The following EML5 variants were observed in gnomAD, a reference collection of about 807,000 sequenced individuals.
EML5 encodes echinoderm microtubule-associated protein-like 5.
In EML5, 120 loss-of-function variants were observed where a neutral mutation model predicts 250.0. That is an observed-to-expected ratio of 0.48 (90% CI 0.41 to 0.56). The LOEUF is 0.56. Ranked by LOEUF, EML5 falls within the 20% of genes least tolerant of loss-of-function variation. The pLI is 0.00. For missense variants in EML5, 2,006 were observed against 2,437.6 expected, an observed-to-expected ratio of 0.82 and a Z score of 3.73; for synonymous variants, 771 against 806.5, an observed-to-expected ratio of 0.96 and a Z score of 0.75.
Position 88,792,653 on chromosome 14 carries a change from G to A in EML5, c.-150C>T. 3.5e-6 allele frequency: 4 copies of A among 1,152,128 alleles called. No homozygotes were observed. Among genetic ancestry groups the A allele is most frequent in the South Asian group, 4.3e-5 (1 of 22,992 alleles). 71.4% of individuals were successfully genotyped at this position (1,152,128 alleles called of 1,614,324 possible). ...CGCCCGTCAGGTGCATCTCGTTTCG[G>A]GGGCCGCCGCCGCCTCAGCCCACAG... is the stretch of plus-strand genomic sequence containing the variant. On this transcript the variant is annotated 5_prime_UTR_variant, in exon 1 of 44. Transcript: ENST00000554922. This position sits in a 1 kb window ranked among gnomAD's most constrained non-coding sequence, Gnocchi z 6.9.
intron 20 of EML5, among the ~76,000 whole-genome samples, chr14:88,684,446 AG>A (rs2092784343): frequency 6.9e-6 from 1 of 145,556 alleles, no homozygotes; most frequent in Non-Finnish European, 1.5e-5. Context: ...CTGGGATTAC[AG>A]GCGTGAGCCA....
chr14:88,662,946 G>T, intron 24 of EML5, 85 bp downstream of exon 24: 1 of 948,372 alleles, frequency 1.1e-6, no homozygotes, highest in Non-Finnish European at 1.6e-6. Flanking sequence ...GACTTCACGT[G>T]TAACTAAACG....
At chr14:88,672,189 A>C (rs949875063) in intron 21 of EML5, among the ~76,000 whole-genome samples, 5 of 151,926 alleles carry the variant, frequency 3.3e-5, no homozygotes, top group Non-Finnish European at 5.9e-5. Flanking sequence ...AACTGAAATC[A>C]TAACAGTCTC....
intron 29 of EML5, among the ~76,000 whole-genome samples, chr14:88,645,692 G>C (rs1030654591): frequency 1.8e-4 from 27 of 152,116 alleles, no homozygotes; most frequent in African/African-American, 6.5e-4. Context: ...GTTACTCAAG[G>C]AAGACATTTT....
intron 1 of EML5, among the ~76,000 whole-genome samples, chr14:88,789,217 T>A (rs1019758128): frequency 1.6e-4 from 25 of 152,230 alleles, no homozygotes; most frequent in Admixed American, 5.9e-4. Context: ...TTTTTATAGA[T>A]ACAGATTTTA....
chr14:88,773,892 G>A (rs1218802353), intron 1 of EML5, among the ~76,000 whole-genome samples: 1 of 152,142 alleles, frequency 6.6e-6, no homozygotes, highest in Non-Finnish European at 1.5e-5. Context: ...GCCAAGGCAG[G>A]CAGATCACCA....
chr14:88,791,115 A>G (rs2094602139), intron 1 of EML5, among the ~76,000 whole-genome samples: 1 of 152,068 alleles, frequency 6.6e-6, no homozygotes, highest in Admixed American at 6.6e-5. Context: ...ATCTTGCCCT[A>G]CCTCTGTTTG....
chr14:88,687,859 T>C (rs2092870766), intron 18 of EML5, among the ~76,000 whole-genome samples: 1 of 152,114 alleles, frequency 6.6e-6, no homozygotes, highest in African/African-American at 2.4e-5. Flanking sequence ...GAGAATAGCT[T>C]AAGCCCAGGA....
chr14:88,659,028 A>G (rs1454284973), intron 25 of EML5, among the ~76,000 whole-genome samples: 1 of 152,168 alleles, frequency 6.6e-6, no homozygotes, highest in Non-Finnish European at 1.5e-5. Flanking sequence ...TTTGTAAGCA[A>G]TACACATAGA....
intron 25 of EML5, among the ~76,000 whole-genome samples, chr14:88,660,274 C>T (rs918291171): frequency 2.9e-5 from 4 of 137,884 alleles, no homozygotes; most frequent in African/African-American, 5.8e-5. Context: ...CAGAGAGAGA[C>T]GCTGTCTTAA....
At chr14:88,778,124 A>G (rs935081894) in intron 1 of EML5, among the ~76,000 whole-genome samples, 13 of 152,368 alleles carry the variant, frequency 8.5e-5, no homozygotes, top group Admixed American at 3.9e-4. Flanking sequence ...CCTCAAACCA[A>G]AAGACATAAA....
chr14:88,712,510 A>T (rs2093423785), intron 9 of EML5, 27 bp from the exon 10 acceptor site: 1 of 1,566,474 alleles, frequency 6.4e-7, no homozygotes, highest in Non-Finnish European at 8.7e-7. Context: ...GTCTTAATTT[A>T]AAAAGTTATT....
At chr14:88,671,607 C>T (rs1457308033) in intron 21 of EML5, among the ~76,000 whole-genome samples, 3 of 152,076 alleles carry the variant, frequency 2.0e-5, no homozygotes, top group African/African-American at 7.2e-5. Flanking sequence ...CAGAGAATGG[C>T]ATGCTGATAA....
intron 1 of EML5, among the ~76,000 whole-genome samples, chr14:88,786,655 C>A (rs1272294662): frequency 6.6e-6 from 1 of 152,136 alleles, no homozygotes; most frequent in Admixed American, 6.6e-5. Flanking sequence ...ATCATGGGGG[C>A]AGTTTCCCCC....
rs144057069 is a variant in EML5 at position 88,787,502 on chromosome 14, G to A, written c.197+4805C>T. On this transcript the variant is annotated intron_variant, in intron 1 of 43. Transcript: ENST00000554922. The stretch of plus-strand genomic sequence containing the variant: ...ACATAAGACATTATAAAATAATAAA[G>A]GAAAATAATTAAATGTAAATCTAAT... 2.9e-3 allele frequency among the ~76,000 whole-genome samples: 446 copies of A among 152,078 alleles called. 3 individuals are homozygous for A. Among genetic ancestry groups the A allele is most frequent in the African/African-American group, 0.01 (432 of 41,502 alleles).
intron 21 of EML5, among the ~76,000 whole-genome samples, chr14:88,673,234 A>T (rs1451096178): frequency 6.6e-6 from 1 of 152,214 alleles, no homozygotes; most frequent in African/African-American, 2.4e-5. Context: ...TGTTCAACAC[A>T]CACAAATCAA....
chr14:88,783,080 C>CAAAAAAAAAG (rs1555382913), intron 1 of EML5, among the ~76,000 whole-genome samples: 1 of 141,298 alleles, frequency 7.1e-6, no homozygotes, highest in African/African-American at 2.6e-5. Context: ...GACTCCATGT[C>CAAAAAAAAAG]AAAAAAAAAG....
chr14:88,697,761 G>A (rs541923450), intron 14 of EML5, among the ~76,000 whole-genome samples: 17 of 152,090 alleles, frequency 1.1e-4, no homozygotes, highest in African/African-American at 4.1e-4. Flanking sequence ...TTGAGATGGA[G>A]TTTCACTCTT....
rs559223249 is a variant in EML5 at position 88,737,740 on chromosome 14, C to G, written c.847+1139G>C. 3.3e-5 allele frequency among the ~76,000 whole-genome samples: 5 copies of G among 152,304 alleles called. No individual in the cohort carries two copies. The South Asian group carries it at 1.0e-3, about 32-fold the overall frequency. The stretch of plus-strand genomic sequence containing the variant: ...TGTCTTTTTATGTACCTAGTTCCTA[C>G]CCATCCTTCAAGACATGTACTCTTC... On this transcript the variant is annotated intron_variant, in intron 6 of 43. Coordinates refer to ENST00000554922, the MANE Select transcript of EML5 (RefSeq NM_183387.3).
Sources: allele counts gnomAD v4.1 joint callset (sites outside exome capture counted in the v4.1 genomes callset), GRCh38; gene constraint gnomAD v4.1.1; non-coding constraint Gnocchi (gnomAD v3.1); transcripts MANE v1.5; gene names NCBI Gene and HGNC (gene_info 2026-07-23, HGNC 2026-07-21).